TPRG1: variants seen among roughly 807,000 people sequenced by gnomAD.
TPRG1 encodes tumor protein p63 regulated 1, also known as tumor protein p63-regulated gene 1 protein.
A neutral mutation model predicts 29.3 loss-of-function variants in TPRG1; 29 were observed. The observed-to-expected ratio is 0.99, with a 90% confidence interval of 0.74 to 1.35. The LOEUF (loss-of-function observed/expected upper bound fraction) is 1.35. TPRG1 is among the 40% of genes most tolerant of loss of function. The pLI is 0.00. For missense variants in TPRG1, 327 were observed against 335.0 expected (o/e 0.98, Z 0.19); for synonymous variants, 130 against 116.8 (o/e 1.11, Z -0.73).
chr3:189,106,169 T>C (rs1460748469), intron 1 of TPRG1, among the ~76,000 whole-genome samples: 1 of 152,134 alleles, frequency 6.6e-6, no homozygotes, highest in African/African-American at 2.4e-5. Flanking sequence ...GGTTTATTCT[T>C]AAAAGCAGTA....
At chr3:189,167,401 C>T (rs910904563), upstream of TPRG1, among the ~76,000 whole-genome samples, 1 of 152,146 alleles carries the variant, frequency 6.6e-6, no homozygotes, top group African/African-American at 2.4e-5. Flanking sequence ...TATGGGGAGC[C>T]CTTCTCCCTG....
intron 4 of TPRG1, among the ~76,000 whole-genome samples, chr3:189,075,737 C>G (rs1017389610): frequency 1.5e-4 from 23 of 152,286 alleles, no homozygotes; most frequent in African/African-American, 4.8e-4. Context: ...TTCCTTAGCC[C>G]ACAGTTCCCA....
chr3:189,269,570 C>G (rs1208097952), intron 4 of TPRG1, among the ~76,000 whole-genome samples: 3 of 152,024 alleles, frequency 2.0e-5, no homozygotes, highest in African/African-American at 7.3e-5. Flanking sequence ...GCTGGGGATA[C>G]TTGGCAGAGG....
upstream of TPRG1, among the ~76,000 whole-genome samples, chr3:189,168,304 TAGAG>T (rs1019959084): frequency 5.3e-5 from 8 of 151,988 alleles, no homozygotes; most frequent in Admixed American, 1.3e-4. Context: ...CCGGAGTAAA[TAGAG>T]AGAGAAAAAA....
chr3:189,026,625 T>C (rs1417455115), intron 4 of TPRG1, among the ~76,000 whole-genome samples: 1 of 152,162 alleles, frequency 6.6e-6, no homozygotes, highest in East Asian at 1.9e-4. Flanking sequence ...AGCTGGAACA[T>C]AAGATTTGTG....
At chr3:189,316,455 C>T (rs1490501828) in intron 5 of TPRG1, among the ~76,000 whole-genome samples, 1 of 152,098 alleles carries the variant, frequency 6.6e-6, no homozygotes, top group African/African-American at 2.4e-5. Context: ...CTCAGAAAAC[C>T]AGCTCAACTG....
At chr3:189,093,734 G>T (rs1262936826) in intron 4 of TPRG1, among the ~76,000 whole-genome samples, 1 of 152,084 alleles carries the variant, frequency 6.6e-6, no homozygotes, top group Non-Finnish European at 1.5e-5. Context: ...AATATTTCGG[G>T]TTCTGGGAAA....
At chr3:189,213,481 G>A (rs1037612406) in intron 2 of TPRG1, among the ~76,000 whole-genome samples, 2 of 152,016 alleles carry the variant, frequency 1.3e-5, no homozygotes, top group African/African-American at 2.4e-5. Flanking sequence ...GTTCTATAAG[G>A]GCTTGACCTA....
upstream of TPRG1, among the ~76,000 whole-genome samples, chr3:189,167,420 G>T (rs940854329): frequency 9.9e-5 from 15 of 152,216 alleles, no homozygotes; most frequent in African/African-American, 3.4e-4. Flanking sequence ...TGCCATGAAT[G>T]GCTGGCAAAG....
At chr3:189,211,374 G>A (rs1735234066) in intron 2 of TPRG1, among the ~76,000 whole-genome samples, 1 of 152,116 alleles carries the variant, frequency 6.6e-6, no homozygotes, top group South Asian at 2.1e-4. Context: ...GCCATAATCA[G>A]AAAGAAGTTC....
At chr3:189,259,556 C>T (rs920133410) in intron 4 of TPRG1, among the ~76,000 whole-genome samples, 9 of 143,506 alleles carry the variant, frequency 6.3e-5, no homozygotes, top group African/African-American at 2.4e-4. Flanking sequence ...CCAACCCCCA[C>T]CTCCTGGGTT....
intron 1 of TPRG1, among the ~76,000 whole-genome samples, chr3:189,187,806 T>G (rs1168724547): frequency 1.3e-5 from 2 of 152,236 alleles, no homozygotes; most frequent in African/African-American, 2.4e-5. Context: ...ATAAAGGTAT[T>G]GATTGCATGA....
At chr3:189,308,705 G>A (rs890968301) in intron 4 of TPRG1, among the ~76,000 whole-genome samples, 1 of 152,134 alleles carries the variant, frequency 6.6e-6, no homozygotes, top group Non-Finnish European at 1.5e-5. Context: ...AGAATATAAT[G>A]TGTACTTATT....
intron 3 of TPRG1, among the ~76,000 whole-genome samples, chr3:189,229,739 T>C (rs1738337532): frequency 6.6e-6 from 1 of 152,172 alleles, no homozygotes. Flanking sequence ...TCTTTCCAGG[T>C]ACCAGGAAGC....
chr3:189,024,565 G>A (rs1713554780), intron 4 of TPRG1, among the ~76,000 whole-genome samples: 1 of 152,230 alleles, frequency 6.6e-6, no homozygotes, highest in Non-Finnish European at 1.5e-5. Context: ...CAGCTGTGCT[G>A]TGCTGGGGGG....
chr3:189,247,695 G>C (rs974640218), intron 4 of TPRG1, among the ~76,000 whole-genome samples: 3 of 151,886 alleles, frequency 2.0e-5, no homozygotes, highest in African/African-American at 7.2e-5. Flanking sequence ...AAAGCAGTCT[G>C]CTGGGAATCT....
At chr3:189,032,818 A>G (rs547916324) in intron 4 of TPRG1, among the ~76,000 whole-genome samples, 9 of 136,064 alleles carry the variant, frequency 6.6e-5, no homozygotes, top group African/African-American at 2.0e-4. Flanking sequence ...TCATTGTTCA[A>G]TTCCCACCTA....
intron 4 of TPRG1, among the ~76,000 whole-genome samples, chr3:189,301,003 T>TA (rs1332184289): frequency 6.6e-6 from 1 of 152,010 alleles, no homozygotes; most frequent in Non-Finnish European, 1.5e-5. Context: ...TAATGGATGA[T>TA]AAAATGTTTG....
intron 1 of TPRG1, among the ~76,000 whole-genome samples, chr3:189,190,428 T>G (rs1353783917): frequency 6.6e-6 from 1 of 152,106 alleles, no homozygotes; most frequent in Non-Finnish European, 1.5e-5. Flanking sequence ...TCGCCTCTCC[T>G]CCCTGTCACC....
Sources: allele counts gnomAD v4.1 joint callset (sites outside exome capture counted in the v4.1 genomes callset), GRCh38; gene constraint gnomAD v4.1.1; transcripts MANE v1.5; gene names NCBI Gene and HGNC (gene_info 2026-07-23, HGNC 2026-07-21).